Variants in MAGI1 observed in about 807,000 individuals in gnomAD.
The protein encoded by MAGI1 is membrane-associated guanylate kinase, WW and PDZ domain-containing protein 1.
A neutral mutation model predicts 139.9 loss-of-function variants in MAGI1; 58 were observed. That is an observed-to-expected ratio of 0.41 (90% CI 0.34 to 0.52). The LOEUF is 0.52. MAGI1 is among the 20% of genes least tolerant of loss of function. MAGI1 has a pLI of 0.12. For missense variants in MAGI1, 1,874 were observed against 1,901.6 expected, an observed-to-expected ratio of 0.99 and a Z score of 0.27; for synonymous variants, 812 against 737.9, an observed-to-expected ratio of 1.10 and a Z score of -1.63.
chr3:65,684,627 A>G (rs1376066747), intron 1 of MAGI1, among the ~76,000 whole-genome samples: 1 of 152,112 alleles, frequency 6.6e-6, no homozygotes, highest in Non-Finnish European at 1.5e-5. Flanking sequence ...AAAATTGTGT[A>G]TAAATCTAAA....
At chr3:65,547,209 A>G (rs1311409857) in intron 2 of MAGI1, among the ~76,000 whole-genome samples, 1 of 152,194 alleles carries the variant, frequency 6.6e-6, no homozygotes, top group Non-Finnish European at 1.5e-5. Flanking sequence ...AAATAACTCA[A>G]TGTAAGGATA....
chr3:65,675,006 T>C (rs1020913712), intron 1 of MAGI1, among the ~76,000 whole-genome samples: 3 of 152,026 alleles, frequency 2.0e-5, no homozygotes, highest in Non-Finnish European at 4.4e-5. Context: ...AGCTGCACTT[T>C]CCAAGTGTTC....
intron 1 of MAGI1, among the ~76,000 whole-genome samples, chr3:65,748,698 C>T (rs546627627): frequency 6.6e-6 from 1 of 152,242 alleles, no homozygotes; most frequent in Admixed American, 6.5e-5. Flanking sequence ...ATTTATACAG[C>T]TTGACACATG....
intron 1 of MAGI1, among the ~76,000 whole-genome samples, chr3:65,959,048 G>A (rs549293691): frequency 2.6e-5 from 4 of 151,810 alleles, no homozygotes; most frequent in Non-Finnish European, 5.9e-5. Flanking sequence ...AAAGAATTGT[G>A]GTGCTTCTTA....
chr3:65,675,784 T>C (rs996228470), intron 1 of MAGI1, among the ~76,000 whole-genome samples: 12 of 152,188 alleles, frequency 7.9e-5, no homozygotes, highest in African/African-American at 2.9e-4. Context: ...TAGATGGCTC[T>C]AGAACACAAG....
At chr3:65,639,633 C>T (rs2084867626) in intron 1 of MAGI1, among the ~76,000 whole-genome samples, 1 of 152,114 alleles carries the variant, frequency 6.6e-6, no homozygotes, top group South Asian at 2.1e-4. Flanking sequence ...GATTGCCCTC[C>T]TTAGTGTGGG....
At chr3:65,883,777 A>G (rs2060426471) in intron 1 of MAGI1, among the ~76,000 whole-genome samples, 2 of 152,172 alleles carry the variant, frequency 1.3e-5, no homozygotes. Context: ...GGGAGAAACA[A>G]TGGCTGCAGC....
chr3:66,021,417 T>C (rs1046458300), intron 1 of MAGI1, among the ~76,000 whole-genome samples: 5 of 152,200 alleles, frequency 3.3e-5, no homozygotes, highest in Admixed American at 2.0e-4. Context: ...CAAACACATA[T>C]GCACACACCT....
At chr3:65,802,319 A>C (rs970093049) in intron 1 of MAGI1, among the ~76,000 whole-genome samples, 1 of 152,156 alleles carries the variant, frequency 6.6e-6, no homozygotes, top group African/African-American at 2.4e-5. Flanking sequence ...CTGATAGGAG[A>C]ATTCTAAATT....
At chr3:65,703,268 A>G (rs934297634) in intron 1 of MAGI1, among the ~76,000 whole-genome samples, 4 of 152,198 alleles carry the variant, frequency 2.6e-5, no homozygotes, top group African/African-American at 9.6e-5. Context: ...TGAACACCAC[A>G]AGGGCATCTG....
At chr3:65,967,414 G>A (rs1380542954) in intron 1 of MAGI1, among the ~76,000 whole-genome samples, 1 of 152,114 alleles carries the variant, frequency 6.6e-6, no homozygotes, top group East Asian at 1.9e-4. Context: ...AAAAGGTTAC[G>A]CCAATAATGT....
chr3:65,896,239 G>A (rs562613767), intron 1 of MAGI1, among the ~76,000 whole-genome samples: 2 of 151,692 alleles, frequency 1.3e-5, no homozygotes, highest in East Asian at 3.9e-4. Flanking sequence ...AGTCAAAACT[G>A]AAACCCACCA....
chr3:65,964,515 C>T (rs1472393193), intron 1 of MAGI1, among the ~76,000 whole-genome samples: 1 of 150,844 alleles, frequency 6.6e-6, no homozygotes, highest in East Asian at 1.9e-4. Context: ...TTTTATACAT[C>T]TTGGGGGTAG....
rs535233816 is a variant in MAGI1 at position 65,816,511 on chromosome 3, G to A, written c.314-194423C>T. 5.9e-5 allele frequency among the ~76,000 whole-genome samples: 9 copies of A among 152,210 alleles called. No individual in the cohort carries two copies. In the South Asian group the frequency reaches 1.5e-3, roughly 25 times the overall value. Reference sequence around the variant, plus strand: ...GCTTTATTGATGAAATGTGTCAACTGAGATGTTGACCGTAAACAAAGTGGC... The same window carrying A: ...GCTTTATTGATGAAATGTGTCAACTAAGATGTTGACCGTAAACAAAGTGGC... On this transcript the variant is annotated intron_variant, in intron 1 of 22. Coordinates refer to ENST00000402939, the MANE Select transcript of MAGI1 (RefSeq NM_001033057.2).
rs1947919710 is a variant in MAGI1 at position 65,437,245 on chromosome 3, A to T, written c.1273T>A (p.Trp425Arg). Residue 425 changes from tryptophan to arginine, a missense_variant and splice_region_variant, in exon 10 of 23, where the codon TGG becomes AGG. Transcript: ENST00000402939. ...ACAAGGGCTGAGTGATCTTCTGTCC[A>T]TTCTATGAAAAAGAAAAGAAAGTTT... ...QQQQQQQTEEWTEDHSALVPP... is the reference protein window; with the variant it reads ...QQQQQQQTEERTEDHSALVPP... 1 of 1,598,366 alleles carries T rather than the reference A, an allele frequency of 6.3e-7. No homozygotes were observed. Among genetic ancestry groups the T allele is most frequent in the East Asian group, 2.2e-5 (1 of 44,774 alleles).
At chr3:65,559,892 C>T (rs114381917) in intron 2 of MAGI1, among the ~76,000 whole-genome samples, 2,265 of 152,096 alleles carry the variant, frequency 0.015, 45 homozygotes, top group Non-Finnish European at 0.021. Context: ...AAAAGCTAGC[C>T]GGGTATGGTG....
intron 18 of MAGI1, among the ~76,000 whole-genome samples, chr3:65,367,327 T>G (rs1941526867): frequency 6.6e-6 from 1 of 152,232 alleles, no homozygotes; most frequent in Admixed American, 6.5e-5. Context: ...CATAATTTGA[T>G]GAGATAATCA....
chr3:65,869,933 A>G (rs1268576820), intron 1 of MAGI1, among the ~76,000 whole-genome samples: 1 of 151,702 alleles, frequency 6.6e-6, no homozygotes, highest in Non-Finnish European at 1.5e-5. Context: ...GTAAGCGTTC[A>G]GTGCATCTCT....
At chr3:65,698,256 C>A (rs1476143660) in intron 1 of MAGI1, among the ~76,000 whole-genome samples, 1 of 113,760 alleles carries the variant, frequency 8.8e-6, no homozygotes, top group African/African-American at 3.9e-5. Flanking sequence ...ACATTCCATG[C>A]TCATGGGTAG....
Sources: allele counts gnomAD v4.1 joint callset (sites outside exome capture counted in the v4.1 genomes callset), GRCh38; gene constraint gnomAD v4.1.1; transcripts MANE v1.5; gene names NCBI Gene and HGNC (gene_info 2026-07-23, HGNC 2026-07-21).